Variants in SCAMP3 observed in about 807,000 individuals in gnomAD.
SCAMP3 encodes the protein secretory carrier membrane protein 3.
In SCAMP3, 30 loss-of-function variants were observed where a neutral mutation model predicts 44.1. That is an observed-to-expected ratio of 0.68 (90% CI 0.51 to 0.92). The LOEUF (loss-of-function observed/expected upper bound fraction) is 0.92, where lower values mean the gene tolerates loss of function less well. Ranked by LOEUF, SCAMP3 falls within the 40% of genes least tolerant of loss-of-function variation. SCAMP3 has a pLI of 0.00. For synonymous variants in SCAMP3, 168 were observed against 171.1 expected (o/e 0.98, Z 0.14); for missense variants, 394 against 440.0 (o/e 0.90, Z 0.93).
chr1:155,256,250 G>A lies in SCAMP3; in HGVS notation c.*23C>T, dbSNP rs373022803. On this transcript the variant is annotated 3_prime_UTR_variant, in exon 9 of 9. Transcript: ENST00000302631. ...CTAAGTCAGCTCCCTCAAGTAGCAGGGCCAGGGCATCCCAGTCAGGGGTCA... is the reference window on the plus strand; with the variant it reads ...CTAAGTCAGCTCCCTCAAGTAGCAGAGCCAGGGCATCCCAGTCAGGGGTCA... 2.7e-5 allele frequency: 41 copies of A among 1,540,646 alleles called. No homozygotes were observed. The African/African-American group carries it at 5.5e-4, about 21-fold the overall frequency.
chr1:155,257,110 T>C (rs1236550565), intron 7 of SCAMP3, among the ~76,000 whole-genome samples, 175 bp downstream of exon 7: 2 of 152,236 alleles, frequency 1.3e-5, no homozygotes, highest in Non-Finnish European at 2.9e-5. Flanking sequence ...CTTCAATCTA[T>C]ATGTGTCAAG....
chr1:155,259,745 T>G (rs1672908457), intron 4 of SCAMP3, among the ~76,000 whole-genome samples: 1 of 152,190 alleles, frequency 6.6e-6, no homozygotes, highest in Admixed American at 6.5e-5. Context: ...TATTATTATT[T>G]AAAACATCTA....
At chr1:155,257,147 GTA>G in intron 7 of SCAMP3, 136 bp downstream of exon 7, 1 of 649,880 alleles carries the variant, frequency 1.5e-6, no homozygotes, top group Non-Finnish European at 2.7e-6. Flanking sequence ...TATCCTGGAA[GTA>G]TGTCTTGTAT....
chr1:155,262,338 T>G lies in SCAMP3; in HGVS notation c.-187A>C. 1 of 594,302 alleles carries G rather than the reference T, an allele frequency of 1.7e-6. No individual in the cohort carries two copies. The highest frequency in any genetic ancestry group is 3.0e-6 in the Non-Finnish European group (1 of 338,434). 36.8% of individuals were successfully genotyped at this position (594,302 alleles called of 1,614,324 possible). ...GCAGCCGTGGGTTGCGCCTGCGTCT[T>G]GTCCAAAAGCTAAGACGAAAGTGCC... On this transcript the variant is annotated 5_prime_UTR_variant, in exon 1 of 9. Transcript: ENST00000302631.
rs1219871557 is a variant in SCAMP3 at position 155,262,080 on chromosome 1, A to G, written c.66+6T>C. The G allele has an allele frequency of 1.9e-6, 3 of 1,613,896 alleles. No homozygotes were observed. The South Asian group carries it at 3.3e-5, about 18-fold the overall frequency. On this transcript the variant is annotated splice_donor_region_variant and intron_variant, in intron 1 of 8. Coordinates refer to ENST00000302631, the MANE Select transcript of SCAMP3 (RefSeq NM_005698.4). The stretch of plus-strand genomic sequence containing the variant: ...CGCCCAAAAGAGGCCGACTGGCGCA[A>G]GTCACCTGAAAGGGGTTGTCAAGCT...
chr1:155,260,260 G>T, intron 4 of SCAMP3, 70 bp downstream of exon 4: 1 of 1,584,820 alleles, frequency 6.3e-7, no homozygotes, highest in Non-Finnish European at 8.6e-7. Flanking sequence ...ACCCAGCCGA[G>T]CCCAGGCCCT....
At position 155,256,675 on chromosome 1, in the gene SCAMP3, C is replaced by A. The variant is rs768761045; in HGVS notation, c.896G>T (p.Arg299Leu). Residue 299 changes from arginine to leucine, a missense_variant and splice_region_variant, in exon 8 of 9, where the codon CGG becomes CTG. Transcript: ENST00000302631. Reference sequence around the variant, plus strand: ...CCCCACCTTCGACACAGCCCTCACCCGTTTCAGCATGACAATTCCTAGCAC... The same window carrying A: ...CCCCACCTTCGACACAGCCCTCACCAGTTTCAGCATGACAATTCCTAGCAC... ...IAVLGIVMLK[R>L]IHSLYRRTGA... is the part of the protein sequence containing the mutation. 1 of 1,613,542 alleles carries A rather than the reference C, an allele frequency of 6.2e-7. No individual in the cohort carries two copies. Among genetic ancestry groups the A allele is most frequent in the Non-Finnish European group, 8.5e-7 (1 of 1,179,418 alleles).
chr1:155,258,235 G>A lies in SCAMP3; in HGVS notation c.518-578C>T, dbSNP rs143645707. ...GGGGTTTCACCGTGTTAGCCAGGAT[G>A]GTCTTGATCTCCTAACCTCATGTTC... On this transcript the variant is annotated intron_variant, in intron 5 of 8. Coordinates refer to ENST00000302631, the MANE Select transcript of SCAMP3 (RefSeq NM_005698.4). 5.6e-3 allele frequency among the ~76,000 whole-genome samples: 846 copies of A among 150,282 alleles called. 8 individuals carry two copies. Among genetic ancestry groups the A allele is most frequent in the African/African-American group, 0.02 (825 of 41,070 alleles).
chr1:155,256,356 C>T lies in SCAMP3; in HGVS notation c.961G>A (p.Gly321Ser), dbSNP rs780729430. 1 of 1,609,188 alleles carries T rather than the reference C, an allele frequency of 6.2e-7. No homozygotes were observed. Among genetic ancestry groups the T allele is most frequent in the Non-Finnish European group, 8.5e-7 (1 of 1,176,278 alleles). Reference sequence around the variant, plus strand: ...CGCACCGCAGGGTTGGAGAAGACACCAGCAGCAAATTCTTGCTGGGCCTTC... The same window carrying T: ...CGCACCGCAGGGTTGGAGAAGACACTAGCAGCAAATTCTTGCTGGGCCTTC... ...FQKAQQEFAA[G>S]VFSNPAVRTA... The change falls in exon 9 of 9, where the codon GGT (glycine) becomes AGT (serine). Residue 321 changes from glycine (G) to serine (S), a missense_variant. Coordinates refer to ENST00000302631, the MANE Select transcript of SCAMP3 (RefSeq NM_005698.4).
intron 2 of SCAMP3, 74 bp from the exon 3 acceptor site, chr1:155,260,733 T>G (rs915617358): frequency 7.5e-7 from 1 of 1,338,490 alleles, no homozygotes; most frequent in African/African-American, 1.5e-5. Flanking sequence ...TGAATACCTT[T>G]AGACCCAGAA....
intron 2 of SCAMP3, chr1:155,261,312 T>A: frequency 3.4e-6 from 1 of 291,596 alleles, no homozygotes; most frequent in Admixed American, 4.4e-5. Flanking sequence ...ACAGGTGTAG[T>A]CCTCCTCATT....
chr1:155,261,576 A>C, intron 2 of SCAMP3, 81 bp downstream of exon 2: 7 of 1,249,452 alleles, frequency 5.6e-6, no homozygotes, highest in Non-Finnish European at 8.2e-6. Flanking sequence ...TGCATGCAGA[A>C]AAGTCCCCTG....
In SCAMP3 at chr1:155,257,309, A is replaced by G. The variant is rs767572161; in HGVS notation, c.755T>C (p.Ile252Thr). ...VQDVLFVLQA[I>T]GIPGWGFSGW... ...CCTGAATCCCCAACCTGGGATACCAATGGCCTGGAGGACAAAGAGCACATC... is the reference window on the plus strand; with the variant it reads ...CCTGAATCCCCAACCTGGGATACCAGTGGCCTGGAGGACAAAGAGCACATC... The change falls in exon 7 of 9, where the codon ATT (isoleucine) becomes ACT (threonine). Residue 252 changes from isoleucine to threonine, a missense_variant. Ile to Thr is a moderately conservative substitution (Grantham distance 89). Transcript: ENST00000302631. 21 of 1,613,732 alleles carry G rather than the reference A, an allele frequency of 1.3e-5. No homozygotes were observed. The highest frequency in any genetic ancestry group is 2.2e-5 in the East Asian group (1 of 44,892).
intron 4 of SCAMP3, 92 bp from the exon 5 acceptor site, chr1:155,259,046 C>CTTTTT (rs34682738): frequency 2.5e-5 from 12 of 487,546 alleles, no homozygotes; most frequent in South Asian, 3.5e-5. Flanking sequence ...TGGATCCTCT[C>CTTTTT]TTTTTTTTTT....
chr1:155,256,767 C>T lies in SCAMP3; in HGVS notation c.804G>A (p.Val268=). 6.2e-7 allele frequency: 1 copy of T among 1,614,138 alleles called. No homozygotes were observed. The highest frequency in any genetic ancestry group is 8.5e-7 in the Non-Finnish European group (1 of 1,179,990). The change falls in exon 8 of 9, where the codon GTG becomes GTA. Residue 268 remains valine (V), a synonymous_variant. Transcript: ENST00000302631. ...CGGATACTGCTGTGTTGCCCTTCGG[C>T]ACCACCAGAGCAGAGATCCAGCCAC... The part of the protein sequence containing the change: ...GFSGWISALV[V]PKGNTAVSVL...
In SCAMP3 at chr1:155,257,297, C is replaced by T. The variant is rs199663763; in HGVS notation, c.767G>A (p.Gly256Asp). The change falls in exon 7 of 9, where the codon GGT (glycine) becomes GAT (aspartate). Residue 256 changes from glycine (G) to aspartate (D), a missense_variant. By Grantham distance (94) the Gly-to-Asp change is moderately conservative (BLOSUM62 -1). Transcript: ENST00000302631. ...CAGCCTCACAAACCTGAATCCCCAA[C>T]CTGGGATACCAATGGCCTGGAGGAC... is the stretch of plus-strand genomic sequence containing the variant. ...LFVLQAIGIPGWGFSGWISAL... is the reference protein window; with the variant it reads ...LFVLQAIGIPDWGFSGWISAL... The T allele has an allele frequency of 2.8e-5, 45 of 1,611,674 alleles. No homozygotes were observed. Among genetic ancestry groups the T allele is most frequent in the African/African-American group, 4.0e-5 (3 of 74,848 alleles).
Position 155,257,487 on chromosome 1 carries a change from A to G in SCAMP3, c.677+11T>C, listed in dbSNP as rs1443713959. 28 of 1,613,382 alleles carry G rather than the reference A, an allele frequency of 1.7e-5. No homozygotes were observed. The highest frequency in any genetic ancestry group is 2.1e-5 in the Non-Finnish European group (25 of 1,179,712). On this transcript the variant is annotated intron_variant, in intron 6 of 8. Coordinates refer to ENST00000302631, the MANE Select transcript of SCAMP3 (RefSeq NM_005698.4). ...AGGTCTCCATCACTCTCCCACCACT[A>G]ACACACTTACCGGAAAGCCTTATAC...
intron 4 of SCAMP3, 114 bp from the exon 5 acceptor site, chr1:155,259,068 T>G (rs1572004343): frequency 1.3e-6 from 1 of 796,342 alleles, no homozygotes; most frequent in African/African-American, 2.2e-5. Flanking sequence ...TTTTTTTTTT[T>G]GAGATAGGGT....
At chr1:155,260,260 G>C (rs1672924987) in intron 4 of SCAMP3, 70 bp downstream of exon 4, 5 of 1,584,704 alleles carry the variant, frequency 3.2e-6, no homozygotes, top group Non-Finnish European at 4.3e-6. Context: ...ACCCAGCCGA[G>C]CCCAGGCCCT....
Sources: allele counts gnomAD v4.1 joint callset (sites outside exome capture counted in the v4.1 genomes callset), GRCh38; gene constraint gnomAD v4.1.1; transcripts MANE v1.5; gene names NCBI Gene and HGNC (gene_info 2026-07-23, HGNC 2026-07-21).